SALL1: variants seen among roughly 807,000 people sequenced by gnomAD.
The protein encoded by SALL1 is spalt like transcription factor 1.
In SALL1, 10 loss-of-function variants were observed where a neutral mutation model predicts 73.1. That is an observed-to-expected ratio of 0.14 (90% CI 0.08 to 0.23). The LOEUF (loss-of-function observed/expected upper bound fraction) is 0.23, where lower values mean the gene tolerates loss of function less well. SALL1 is among the 10% of genes least tolerant of loss of function. The pLI is 1.00. For missense variants in SALL1, 1,520 were observed against 1,697.3 expected, an observed-to-expected ratio of 0.90 and a Z score of 1.84; for synonymous variants, 688 against 689.8, an observed-to-expected ratio of 1.00 and a Z score of 0.04.
In SALL1 at chr16:51,139,897, G is replaced by T; in HGVS notation, c.2325C>A (p.Phe775Leu). The T allele has an allele frequency of 6.2e-7, 1 of 1,614,208 alleles. No homozygotes were observed. Among genetic ancestry groups the T allele is most frequent in the Non-Finnish European group, 8.5e-7 (1 of 1,180,040 alleles). ...GCTGCTGCAGGACCACAGCGTTCGT[G>T]AACTTCTTCTGGCAGATGGGGCAGG... is the stretch of plus-strand genomic sequence containing the variant. Reference protein sequence around the residue: ...QHSCPICQKKFTNAVVLQQHI... With the variant: ...QHSCPICQKKLTNAVVLQQHI... The change falls in exon 2 of 3, where the codon TTC (phenylalanine) becomes TTA (leucine). Residue 775 changes from phenylalanine to leucine, a missense_variant. Phe to Leu is a conservative substitution (Grantham distance 22, BLOSUM62 0). This residue lies in a region of SALL1 where 77 missense variants were observed against 117.2 expected (regional missense o/e 0.66). Transcript: ENST00000251020.
chr16:51,142,296 C>A (rs1376741621), intron 1 of SALL1, 151 bp from the exon 2 acceptor site: 5 of 668,136 alleles, frequency 7.5e-6, no homozygotes, highest in Non-Finnish European at 1.1e-5. Context: ...CTAAGAACAT[C>A]CATAATTAAT....
chr16:51,150,376 C>A, intron 1 of SALL1: 2 of 984,672 alleles, frequency 2.0e-6, no homozygotes, highest in Non-Finnish European at 1.2e-6. Flanking sequence ...AGGGCGCATA[C>A]CGACCAGAAA....
rs575513612 is a variant in SALL1 at position 51,140,922 on chromosome 16, T to C, written c.1300A>G (p.Thr434Ala). Residue 434 changes from threonine (T) to alanine (A), a missense_variant, in exon 2 of 3, where the codon ACT becomes GCT. Transcript: ENST00000251020. This position sits in a 1 kb window ranked among gnomAD's most constrained non-coding sequence, Gnocchi z 5.7. The part of the protein sequence containing the change: ...QQRKSKPPNV[T>A]AFEAKSTSDE... ...GAAGTACTTTTCGCTTCAAAGGCAG[T>C]GACATTTGGTGGCTTGCTTTTTCTT... The C allele has an allele frequency of 7.4e-6, 12 of 1,614,080 alleles. No homozygotes were observed. Among genetic ancestry groups the C allele is most frequent in the South Asian group, 2.2e-5 (2 of 91,072 alleles).
In SALL1 at chr16:51,142,131, C is replaced by G; in HGVS notation, c.91G>C (p.Gly31Arg). The G allele has an allele frequency of 6.2e-7, 1 of 1,613,032 alleles. No homozygotes were observed. The highest frequency in any genetic ancestry group is 8.5e-7 in the Non-Finnish European group (1 of 1,179,866). The change falls in exon 2 of 3, where the codon GGT becomes CGT. Residue 31 changes from glycine (G) to arginine (R), a missense_variant. Physicochemically the swap from Gly to Arg is moderately radical, Grantham distance 125. Transcript: ENST00000251020. ...LPRRDGDTEK[G>R]QPSRPTKSKD... ...CTCTTAGTAGGGCGACTCGGTTGAC[C>G]CTTTTCTGTGTCTCCTACAAATGTC... is the stretch of plus-strand genomic sequence containing the variant.
chr16:51,145,528 G>A (rs1485172216), intron 1 of SALL1, among the ~76,000 whole-genome samples: 1 of 152,072 alleles, frequency 6.6e-6, no homozygotes, highest in Non-Finnish European at 1.5e-5. Flanking sequence ...CTTTTGTTGG[G>A]GGGGCGGGAA....
In SALL1 at chr16:51,140,729, C is replaced by T. The variant is rs997918353; in HGVS notation, c.1493G>A (p.Arg498His). 3.7e-6 allele frequency: 6 copies of T among 1,614,140 alleles called. No individual in the cohort carries two copies. Among genetic ancestry groups the T allele is most frequent in the Non-Finnish European group, 2.5e-6 (3 of 1,180,028 alleles). ...TKGNLKVHFQ[R>H]HKEKYPHIQM... Reference sequence around the variant, plus strand: ...GATATGAGGGTATTTCTCTTTGTGGCGCTGAAAGTGGACTTTCAGATTCCC... The same window carrying T: ...GATATGAGGGTATTTCTCTTTGTGGTGCTGAAAGTGGACTTTCAGATTCCC... Residue 498 changes from arginine (R) to histidine (H), a missense_variant, in exon 2 of 3, where the codon CGC becomes CAC. Transcript: ENST00000251020. The surrounding 1 kb of genome is among the most constrained non-coding windows in gnomAD (Gnocchi z 5.7).
At chr16:51,143,410 T>A in intron 1 of SALL1, 1 of 191,180 alleles carries the variant, frequency 5.2e-6, no homozygotes, top group Non-Finnish European at 1.0e-5. Context: ...CTACGAAGGC[T>A]GTGAAGAAAA....
Position 51,151,218 on chromosome 16 carries a change from C to T in SALL1, c.24G>A (p.Lys8=), listed in dbSNP as rs759270242. The T allele has an allele frequency of 3.1e-5, 50 of 1,601,450 alleles. No homozygotes were observed. The East Asian group carries it at 9.7e-4, about 31-fold the overall frequency. Residue 8 remains lysine (K), a synonymous_variant, in exon 1 of 3, where the codon AAG becomes AAA. Transcript: ENST00000251020. ...CGGGGTCGGATTGGAAATGTTGAGG[C>T]TTCGCTTGCTTCCTCCGCGACATGC... is the stretch of plus-strand genomic sequence containing the variant. MSRRKQA[K]PQHFQSDPEV... is the part of the protein sequence containing the mutation.
chr16:51,138,646 C>A, intron 2 of SALL1, 42 bp downstream of exon 2: 1 of 1,582,798 alleles, frequency 6.3e-7, no homozygotes, highest in Non-Finnish European at 8.6e-7. Flanking sequence ...GGCAGTGGGA[C>A]AGGGTTGATG....
At chr16:51,150,425 G>C (rs1962579851) in intron 1 of SALL1, 9 of 985,468 alleles carry the variant, frequency 9.1e-6, no homozygotes, top group Non-Finnish European at 8.4e-6. Flanking sequence ...TGTGGGAAGA[G>C]ATGCGGAGAT....
chr16:51,141,278 T>G lies in SALL1; in HGVS notation c.944A>C (p.Gln315Pro). ...SQSASISGVKQLPPIQLPQSS... is the reference protein window; with the variant it reads ...SQSASISGVKPLPPIQLPQSS... ...CTGAGGTAGCTGGATTGGGGGTAGCTGTTTCACACCACTAATGCTGGCAGA... is the reference window on the plus strand; with the variant it reads ...CTGAGGTAGCTGGATTGGGGGTAGCGGTTTCACACCACTAATGCTGGCAGA... The change falls in exon 2 of 3, where the codon CAG becomes CCG. Residue 315 changes from glutamine (Q) to proline (P), a missense_variant. This residue lies in a region of SALL1 where 540 missense variants were observed against 567.5 expected (regional missense o/e 0.95). Coordinates refer to ENST00000251020, the MANE Select transcript of SALL1 (RefSeq NM_002968.3). The surrounding 1 kb of genome is among the most constrained non-coding windows in gnomAD (Gnocchi z 5.4). 1 of 1,614,120 alleles carries G rather than the reference T, an allele frequency of 6.2e-7. No homozygotes were observed. The highest frequency in any genetic ancestry group is 8.5e-7 in the Non-Finnish European group (1 of 1,180,036).
rs1962451787 is a variant in SALL1 at position 51,142,132 on chromosome 16, C to G, written c.90G>C (p.Lys30Asn). ...SLPRRDGDTE[K>N]GQPSRPTKSK... The stretch of plus-strand genomic sequence containing the variant: ...TCTTAGTAGGGCGACTCGGTTGACC[C>G]TTTTCTGTGTCTCCTACAAATGTCA... The change falls in exon 2 of 3, where the codon AAG (lysine) becomes AAC (asparagine). Residue 30 changes from lysine (K) to asparagine (N), a missense_variant. Lys to Asn is a moderately conservative substitution (Grantham distance 94). Coordinates refer to ENST00000251020, the MANE Select transcript of SALL1 (RefSeq NM_002968.3). 3 of 1,612,878 alleles carry G rather than the reference C, an allele frequency of 1.9e-6. No individual in the cohort carries two copies. The highest frequency in any genetic ancestry group is 2.2e-5 in the East Asian group (1 of 44,860).
chr16:51,146,761 A>G (rs1045223883), intron 1 of SALL1, among the ~76,000 whole-genome samples: 1 of 152,248 alleles, frequency 6.6e-6, no homozygotes, highest in Admixed American at 6.5e-5. Context: ...AGCAAAGGTT[A>G]AAACAGCTTG....
upstream of SALL1, chr16:51,151,366 C>T (rs1229030470): frequency 4.7e-5 from 17 of 360,902 alleles, no homozygotes; most frequent in Admixed American, 2.1e-4. Context: ...CCGCCCCCTC[C>T]CCGGCTCCCC....
In SALL1 at chr16:51,137,099, A is replaced by T. The variant is rs773425342; in HGVS notation, c.*13T>A. 10 of 1,614,030 alleles carry T rather than the reference A, an allele frequency of 6.2e-6. No homozygotes were observed. Among genetic ancestry groups the T allele is most frequent in the Non-Finnish European group, 8.5e-6 (10 of 1,179,968 alleles). On this transcript the variant is annotated 3_prime_UTR_variant, in exon 3 of 3. Coordinates refer to ENST00000251020, the MANE Select transcript of SALL1 (RefSeq NM_002968.3). ...GAACAGGAATGAATGCTATGTCTCC[A>T]GCCCGAGCTGCTTTAACTCGTGACG...
intron 2 of SALL1, among the ~76,000 whole-genome samples, chr16:51,137,988 C>A (rs1962343287): frequency 6.6e-6 from 1 of 152,172 alleles, no homozygotes; most frequent in South Asian, 2.1e-4. Context: ...GGTATCCCTC[C>A]CTGATTGCCC....
Position 51,151,181 on chromosome 16 carries a change from G to C in SALL1, c.61C>G (p.Leu21Val). 6.3e-7 allele frequency: 1 copy of C among 1,598,858 alleles called. No individual in the cohort carries two copies. The highest frequency in any genetic ancestry group is 8.5e-7 in the Non-Finnish European group (1 of 1,174,572). Reference protein sequence around the residue: ...HFQSDPEVASLPRRDGDTEKG... With the variant: ...HFQSDPEVASVPRRDGDTEKG... Reference sequence around the variant, plus strand: ...GAGCACTCACCATCTCGCCGGGGGAGCGAGGCCACTTCGGGGTCGGATTGG... The same window carrying C: ...GAGCACTCACCATCTCGCCGGGGGACCGAGGCCACTTCGGGGTCGGATTGG... Residue 21 changes from leucine to valine, a missense_variant, in exon 1 of 3, where the codon CTC (leucine) becomes GTC (valine). Coordinates refer to ENST00000251020, the MANE Select transcript of SALL1 (RefSeq NM_002968.3).
chr16:51,148,088 T>C (rs1225121433), intron 1 of SALL1, among the ~76,000 whole-genome samples: 1 of 152,216 alleles, frequency 6.6e-6, no homozygotes, highest in Admixed American at 6.5e-5. Context: ...TACACTAAAG[T>C]AAAATAAAAT....
chr16:51,141,748 G>GCTA lies in SALL1; in HGVS notation c.473_474insTAG (p.Ser159dup). ...TGGAGGAGCTGCCGCCGCCGCCGCT[G>GCTA]CTGCTGCTGCTGCTGCTGCTGCTGC... On this transcript the variant is annotated inframe_insertion, in exon 2 of 3. Transcript: ENST00000251020. The surrounding 1 kb of genome is among the most constrained non-coding windows in gnomAD (Gnocchi z 5.4). 1 of 1,515,852 alleles carries GCTA rather than the reference G, an allele frequency of 6.6e-7. No homozygotes were observed. The highest frequency in any genetic ancestry group is 9.1e-7 in the Non-Finnish European group (1 of 1,101,844). 93.9% of individuals were successfully genotyped at this position (1,515,852 alleles called of 1,614,324 possible).
Sources: allele counts gnomAD v4.1 joint callset (sites outside exome capture counted in the v4.1 genomes callset), GRCh38; gene constraint gnomAD v4.1.1; regional missense constraint gnomAD v4.1.1; non-coding constraint Gnocchi (gnomAD v3.1); transcripts MANE v1.5; gene names NCBI Gene and HGNC (gene_info 2026-07-23, HGNC 2026-07-21).